The following CEP112 variants were observed in gnomAD, a reference collection of about 807,000 sequenced individuals.
CEP112 encodes centrosomal protein 112.
In CEP112, 127 loss-of-function variants were observed where a neutral mutation model predicts 153.0. The ratio of observed to expected loss-of-function variants is 0.83; its 90% confidence interval spans 0.72 to 0.96. The LOEUF (loss-of-function observed/expected upper bound fraction) is 0.96, where lower values mean the gene tolerates loss of function less well. Among genes scored for constraint, CEP112 ranks in the 40% least tolerant of loss-of-function variants. CEP112 has a pLI of 0.00. For synonymous variants in CEP112, 358 were observed against 374.4 expected (o/e 0.96, Z 0.51); for missense variants, 1,089 against 1,101.2 (o/e 0.99, Z 0.16).
At chr17:66,045,664 T>C (rs1442781267) in intron 12 of CEP112, among the ~76,000 whole-genome samples, 1 of 152,190 alleles carries the variant, frequency 6.6e-6, no homozygotes, top group Non-Finnish European at 1.5e-5. Flanking sequence ...AAACTTTTGT[T>C]TGAGTTATAA....
intron 23 of CEP112, among the ~76,000 whole-genome samples, chr17:65,736,235 CA>C (rs1405686970): frequency 1.3e-5 from 2 of 152,034 alleles, no homozygotes; most frequent in Admixed American, 1.3e-4. Context: ...AGAATTAATT[CA>C]GGGGGATTTC....
At chr17:65,986,531 A>C in intron 17 of CEP112, among the ~76,000 whole-genome samples, 1 of 152,160 alleles carries the variant, frequency 6.6e-6, no homozygotes, top group Non-Finnish European at 1.5e-5. Flanking sequence ...AGCAACTCCC[A>C]AAATGCATCG....
At chr17:65,835,999 T>TTTTTTCTTA (rs2146170285) in intron 21 of CEP112, among the ~76,000 whole-genome samples, 2 of 152,326 alleles carry the variant, frequency 1.3e-5, no homozygotes, top group South Asian at 4.1e-4. Flanking sequence ...AAAGTGCAGT[T>TTTTTTCTTA]TTTTTCTTAT....
intron 18 of CEP112, among the ~76,000 whole-genome samples, chr17:65,951,618 T>C (rs1055624915): frequency 6.6e-6 from 1 of 152,154 alleles, no homozygotes; most frequent in Non-Finnish European, 1.5e-5. Flanking sequence ...CTCGTTTTTA[T>C]GGTTTGTCAA....
intron 18 of CEP112, among the ~76,000 whole-genome samples, chr17:65,930,368 G>A (rs1242473417): frequency 2.6e-5 from 4 of 152,108 alleles, no homozygotes; most frequent in East Asian, 1.9e-4. Flanking sequence ...GAAAGGCAAC[G>A]AGTTTCACTG....
intron 3 of CEP112, among the ~76,000 whole-genome samples, chr17:66,175,888 G>C (rs887093126): frequency 5.9e-5 from 9 of 152,050 alleles, no homozygotes; most frequent in African/African-American, 1.9e-4. Context: ...CGTTTCTAAA[G>C]AAAACTCTGC....
At chr17:66,132,788 C>T (rs1276623854) in intron 4 of CEP112, 25 bp from the exon 5 acceptor site, 2 of 1,471,462 alleles carry the variant, frequency 1.4e-6, no homozygotes, top group Non-Finnish European at 1.9e-6. Flanking sequence ...TAATCGCAAT[C>T]ACAATTTGGA....
At chr17:66,161,042 C>T (rs2071678658) in intron 4 of CEP112, among the ~76,000 whole-genome samples, 1 of 151,550 alleles carries the variant, frequency 6.6e-6, no homozygotes, top group African/African-American at 2.4e-5. Context: ...AGACACTTCT[C>T]AAAAGAAGGT....
chr17:65,699,035 A>T (rs2048491892), intron 23 of CEP112, among the ~76,000 whole-genome samples: 1 of 152,232 alleles, frequency 6.6e-6, no homozygotes, highest in South Asian at 2.1e-4. Context: ...TGAAAACTGA[A>T]GATTCATTTC....
chr17:65,824,735 G>T (rs763380158), intron 21 of CEP112, among the ~76,000 whole-genome samples: 2 of 152,156 alleles, frequency 1.3e-5, no homozygotes, highest in Non-Finnish European at 2.9e-5. Flanking sequence ...AGAGTTGTCT[G>T]GGAGTGGGTA....
intron 12 of CEP112, chr17:66,043,191 G>A (rs2066058488): frequency 2.9e-6 from 1 of 348,914 alleles, no homozygotes; most frequent in Non-Finnish European, 4.0e-6. Flanking sequence ...CACCCTAACT[G>A]AAAGTTAACA....
At chr17:65,911,500 T>C (rs1487680356) in intron 19 of CEP112, among the ~76,000 whole-genome samples, 1 of 152,156 alleles carries the variant, frequency 6.6e-6, no homozygotes, top group Non-Finnish European at 1.5e-5. Context: ...TAATCTCTTA[T>C]GTGGTTAAAA....
chr17:65,888,140 T>C (rs1892519689), intron 20 of CEP112, among the ~76,000 whole-genome samples: 1 of 152,228 alleles, frequency 6.6e-6, no homozygotes, highest in Non-Finnish European at 1.5e-5. Flanking sequence ...TTCTTGAGTG[T>C]AATGGATTTC....
At chr17:65,807,790 G>A (rs200012181) in intron 21 of CEP112, among the ~76,000 whole-genome samples, 1 of 152,258 alleles carries the variant, frequency 6.6e-6, no homozygotes, top group East Asian at 1.9e-4. Context: ...GGAAATGCCT[G>A]AATGTCCAGG....
At chr17:65,974,110 T>C (rs879604501) in intron 17 of CEP112, among the ~76,000 whole-genome samples, 3 of 151,982 alleles carry the variant, frequency 2.0e-5, no homozygotes, top group African/African-American at 2.4e-5. Flanking sequence ...AGGGTCTCAC[T>C]TTGTCACCCA....
chr17:65,786,846 T>G (rs892628204), intron 21 of CEP112, among the ~76,000 whole-genome samples: 1 of 152,128 alleles, frequency 6.6e-6, no homozygotes, highest in Non-Finnish European at 1.5e-5. Context: ...TTCGTCTCCC[T>G]AAGTGCTGGG....
intron 16 of CEP112, among the ~76,000 whole-genome samples, chr17:66,022,056 T>C (rs537663384): frequency 2.0e-5 from 3 of 152,280 alleles, no homozygotes; most frequent in African/African-American, 7.2e-5. Flanking sequence ...CAATCATCAA[T>C]GCCACTGTGG....
intron 19 of CEP112, among the ~76,000 whole-genome samples, chr17:65,915,240 G>T (rs897941980): frequency 1.3e-5 from 2 of 152,098 alleles, no homozygotes; most frequent in Non-Finnish European, 2.9e-5. Context: ...TGGTTGCTCA[G>T]TTGGGAAACT....
intron 21 of CEP112, among the ~76,000 whole-genome samples, chr17:65,778,838 C>CA (rs957175352): frequency 2.0e-5 from 3 of 151,528 alleles, no homozygotes; most frequent in Non-Finnish European, 4.4e-5. Context: ...TAAATTTACC[C>CA]AAAAAAAGGC....
Sources: gnomAD v4.1 joint callset for allele counts (sites outside exome capture counted in the v4.1 genomes callset) on GRCh38, gnomAD v4.1.1 for gene constraint, MANE v1.5 for transcripts, NCBI Gene and HGNC (gene_info 2026-07-23, HGNC 2026-07-21) for gene names.